RANBP1: variants seen among roughly 807,000 people sequenced by gnomAD.
RANBP1 encodes the protein RAN binding protein 1, also known as ran-specific GTPase-activating protein.
RANBP1 carries 16 observed loss-of-function variants against 31.4 expected under a neutral mutation model. The observed-to-expected ratio is 0.51, with a 90% CI of 0.34 to 0.77. The LOEUF (loss-of-function observed/expected upper bound fraction) is 0.77, where lower values mean the gene tolerates loss of function less well. Among genes scored for constraint, RANBP1 ranks in the 30% least tolerant of loss-of-function variants. The pLI, the probability that RANBP1 is intolerant of heterozygous loss-of-function variation, is 0.01. For synonymous variants in RANBP1, 129 were observed against 140.5 expected (o/e 0.92, Z 0.58); for missense variants, 265 against 362.0 (o/e 0.73, Z 2.17).
chr22:20,122,631 G>T (rs548139857), intron 3 of RANBP1: 181 of 1,515,850 alleles, frequency 1.2e-4, no homozygotes, highest in Middle Eastern at 1.7e-4. Context: ...AGCACACGGG[G>T]GTGTGGAGTC....
rs754392099 is a variant in RANBP1 at position 20,122,443 on chromosome 22, C to G, written c.541+22C>G. 5 of 1,611,190 alleles carry G rather than the reference C, an allele frequency of 3.1e-6. No individual in the cohort carries two copies. The Admixed American group carries it at 5.0e-5, about 16-fold the overall frequency. On this transcript the variant is annotated intron_variant, in intron 3 of 5. Transcript: ENST00000430524. ...TACAGTAGGTGGCATGAACGACCAC[C>G]TCGACAGTCCCCAGCAGCTTGGCCT...
At chr22:20,118,062 A>C in intron 1 of RANBP1, 1 of 996,282 alleles carries the variant, frequency 1.0e-6, no homozygotes, top group Non-Finnish European at 1.2e-6. Flanking sequence ...CACTTCATTC[A>C]TTCGGTTCTT....
At chr22:20,125,666 G>T (rs1294313490) in intron 4 of RANBP1, 2 of 1,413,118 alleles carry the variant, frequency 1.4e-6, no homozygotes. Flanking sequence ...GTGAACAGCA[G>T]TGCCCGCTCA....
chr22:20,117,660 C>T, intron 1 of RANBP1: 4 of 1,179,666 alleles, frequency 3.4e-6, no homozygotes, highest in Non-Finnish European at 3.1e-6. Context: ...ATGGCGGCCG[C>T]CAAGGTGCCG....
At chr22:20,120,792 G>A (rs1416468915) in intron 2 of RANBP1, among the ~76,000 whole-genome samples, 1 of 152,178 alleles carries the variant, frequency 6.6e-6, no homozygotes, top group East Asian at 1.9e-4. Context: ...GATTACAGGT[G>A]TGAGCCACCG....
chr22:20,126,061 G>C (rs1003746866), intron 4 of RANBP1, among the ~76,000 whole-genome samples: 3 of 152,270 alleles, frequency 2.0e-5, no homozygotes, highest in Non-Finnish European at 4.4e-5. Context: ...AGCCGAGCCT[G>C]TGGCAAAGAG....
At chr22:20,122,750 T>TGTGG (rs2050202367) in intron 3 of RANBP1, 1 of 1,022,794 alleles carries the variant, frequency 9.8e-7, no homozygotes, top group Non-Finnish European at 1.2e-6. Context: ...TGTGTGTGTG[T>TGTGG]GTGTGTGTGT....
At chr22:20,118,417 G>A (rs2050097064) in intron 1 of RANBP1, 1 of 908,392 alleles carries the variant, frequency 1.1e-6, no homozygotes, top group Non-Finnish European at 1.3e-6. Flanking sequence ...AATTTATCTA[G>A]TTATTAACTT....
chr22:20,125,080 T>G, intron 3 of RANBP1: 1 of 529,186 alleles, frequency 1.9e-6, no homozygotes. Context: ...CCCATTCCTA[T>G]TTAGGATGGT....
In RANBP1 at chr22:20,127,194, GTTTT is replaced by G; in HGVS notation, c.*151_*154del. The G allele has an allele frequency of 2.2e-6, 1 of 446,744 alleles. No homozygotes were observed. The highest frequency in any genetic ancestry group is 3.6e-6 in the Non-Finnish European group (1 of 274,092). The allele number at this position is 446,744 out of a possible 1,614,324, so 27.7% of individuals were successfully genotyped here. The stretch of plus-strand genomic sequence containing the variant: ...AAGAACTGAACTCAACATTCAGGTT[GTTTT>G]TTTTTTTTGTTTCTAAGTTTTTGCC... On this transcript the variant is annotated 3_prime_UTR_variant, in exon 6 of 6. Coordinates refer to ENST00000430524, the MANE Select transcript of RANBP1 (RefSeq NM_001278639.2).
chr22:20,122,288 C>T lies in RANBP1; in HGVS notation c.408C>T (p.Ala136=). 3.7e-6 allele frequency: 6 copies of T among 1,613,054 alleles called. No individual in the cohort carries two copies. The highest frequency in any genetic ancestry group is 5.1e-6 in the Non-Finnish European group (6 of 1,179,776). The change falls in exon 3 of 6, where the codon GCC becomes GCT. Residue 136 remains alanine, a synonymous_variant. Coordinates refer to ENST00000430524, the MANE Select transcript of RANBP1 (RefSeq NM_001278639.2). ...FKMRAKLFRF[A]SENDLPEWKE... The stretch of plus-strand genomic sequence containing the variant: ...GGCGGGCAAAACTGTTCCGATTTGC[C>T]TCTGAGAACGATCTCCCAGAATGGA...
At chr22:20,126,757 C>T in intron 5 of RANBP1, 195 bp from the exon 6 acceptor site, 2 of 1,358,200 alleles carry the variant, frequency 1.5e-6, no homozygotes, top group East Asian at 2.6e-5. Flanking sequence ...TGCTTGAGTG[C>T]ATCCACCTGG....
rs1313153034 is a variant in RANBP1, at chr22:20,116,538, AG to A, written c.246+113del. On this transcript the variant is annotated intron_variant, in intron 1 of 5. Transcript: ENST00000430524. The stretch of plus-strand genomic sequence containing the variant: ...CCTCCTCCAGGGCTGCCGGGGCTGC[AG>A]GGGGCACCGAGACGGTAGGGCAGCT... 5.6e-6 allele frequency: 9 copies of A among 1,601,596 alleles called. No individual in the cohort carries two copies. In the African/African-American group the frequency reaches 1.2e-4, roughly 22 times the overall value.
At chr22:20,121,062 T>C (rs2050159397) in intron 2 of RANBP1, among the ~76,000 whole-genome samples, 2 of 152,156 alleles carry the variant, frequency 1.3e-5, no homozygotes, top group African/African-American at 2.4e-5. Flanking sequence ...CAAGCAATTT[T>C]CCTGCCTCAG....
At chr22:20,120,902 C>T (rs2147979636) in intron 2 of RANBP1, among the ~76,000 whole-genome samples, 1 of 152,334 alleles carries the variant, frequency 6.6e-6, no homozygotes, top group South Asian at 2.1e-4. Flanking sequence ...GACAGAGGTC[C>T]TTGGCCTGCA....
chr22:20,116,171 G>C lies in RANBP1; in HGVS notation c.-14G>C, dbSNP rs1350619332. 6 of 1,612,940 alleles carry C rather than the reference G, an allele frequency of 3.7e-6. No homozygotes were observed. The highest frequency in any genetic ancestry group is 5.1e-6 in the Non-Finnish European group (6 of 1,179,946). On this transcript the variant is annotated 5_prime_UTR_variant, in exon 1 of 6. Transcript: ENST00000430524. Reference sequence around the variant, plus strand: ...GGTGGCTCACTCTCACCCTCCTGTCGCCTCCTCCTGGCCATGGGGTCGGCC... The same window carrying C: ...GGTGGCTCACTCTCACCCTCCTGTCCCCTCCTCCTGGCCATGGGGTCGGCC...
At chr22:20,126,706 T>G in intron 5 of RANBP1, 2 of 1,490,224 alleles carry the variant, frequency 1.3e-6, no homozygotes, top group South Asian at 1.2e-5. Flanking sequence ...TGGTGGCAAG[T>G]GACCAGATGT....
At chr22:20,122,220 T>G in intron 2 of RANBP1, 44 bp from the exon 3 acceptor site, 2 of 1,595,220 alleles carry the variant, frequency 1.3e-6, no homozygotes, top group Admixed American at 3.4e-5. Context: ...GCCCTGCATG[T>G]GGGCTGCAGG....
intron 3 of RANBP1, chr22:20,124,946 C>G: frequency 3.1e-6 from 1 of 317,668 alleles, no homozygotes; most frequent in Non-Finnish European, 6.0e-6. Context: ...TGGGATACAG[C>G]TGGGGCCTGC....
Sources: gnomAD v4.1 joint callset for allele counts (sites outside exome capture counted in the v4.1 genomes callset) on GRCh38, gnomAD v4.1.1 for gene constraint, MANE v1.5 for transcripts, NCBI Gene and HGNC (gene_info 2026-07-23, HGNC 2026-07-21) for gene names.